EMCN: variants seen among roughly 807,000 people sequenced by gnomAD.
EMCN encodes the protein MUC-14.
A neutral mutation model predicts 38.4 loss-of-function variants in EMCN; 37 were observed. The ratio of observed to expected loss-of-function variants is 0.96; its 90% CI spans 0.74 to 1.27. EMCN has a LOEUF of 1.27. Ranked by LOEUF, EMCN falls within the 50% of genes most tolerant of loss-of-function variation. EMCN has a pLI of 0.00. For synonymous variants in EMCN, 95 were observed against 100.8 expected, an observed-to-expected ratio of 0.94 and a Z score of 0.35; for missense variants, 318 against 302.8, an observed-to-expected ratio of 1.05 and a Z score of -0.37.
At chr4:100,498,308 A>G (rs570951048) in intron 1 of EMCN, among the ~76,000 whole-genome samples, 42 of 152,202 alleles carry the variant, frequency 2.8e-4, no homozygotes, top group Admixed American at 2.7e-3. Flanking sequence ...GTTTCGCTAG[A>G]TGAAAAAAAG....
intron 1 of EMCN, among the ~76,000 whole-genome samples, chr4:100,511,384 T>A (rs115278058): frequency 0.01 from 1,533 of 152,316 alleles, 37 homozygotes; most frequent in African/African-American, 0.035. Flanking sequence ...ACTTGGACCG[T>A]TCCCAACTGT....
At chr4:100,487,556 T>C (rs1728972702) in intron 1 of EMCN, among the ~76,000 whole-genome samples, 1 of 152,190 alleles carries the variant, frequency 6.6e-6, no homozygotes, top group Non-Finnish European at 1.5e-5. Flanking sequence ...TGAATTGTGA[T>C]CTCCATAATC....
chr4:100,510,550 T>C (rs897163614), intron 1 of EMCN, among the ~76,000 whole-genome samples: 1 of 152,208 alleles, frequency 6.6e-6, no homozygotes, highest in Non-Finnish European at 1.5e-5. Context: ...AGCAAAACTT[T>C]ATATAACATT....
intron 1 of EMCN, among the ~76,000 whole-genome samples, chr4:100,508,772 T>C (rs1729550181): frequency 1.3e-5 from 2 of 152,204 alleles, no homozygotes; most frequent in African/African-American, 4.8e-5. Context: ...GTAATAGGAA[T>C]GACTTGGCAC....
intron 11 of EMCN, among the ~76,000 whole-genome samples, chr4:100,407,218 A>G (rs932504921): frequency 1.3e-5 from 2 of 152,130 alleles, no homozygotes; most frequent in Non-Finnish European, 2.9e-5. Flanking sequence ...TTAGCCCACT[A>G]CCATTCAAGG....
intron 5 of EMCN, among the ~76,000 whole-genome samples, chr4:100,437,807 G>T (rs72923840): frequency 0.021 from 3,156 of 151,864 alleles, 119 homozygotes; most frequent in African/African-American, 0.072. Flanking sequence ...TTATAGATTT[G>T]TAATATAATT....
At chr4:100,428,785 C>G (rs1727121744) in intron 5 of EMCN, among the ~76,000 whole-genome samples, 1 of 152,014 alleles carries the variant, frequency 6.6e-6, no homozygotes, top group Non-Finnish European at 1.5e-5. Flanking sequence ...AAATAGAGAC[C>G]TACTCTAGGT....
chr4:100,429,726 T>TAG (rs1727146514), intron 5 of EMCN, among the ~76,000 whole-genome samples: 1 of 149,220 alleles, frequency 6.7e-6, no homozygotes, highest in Admixed American at 6.7e-5. Flanking sequence ...ATTAAAATAG[T>TAG]TTTTACAAAA....
chr4:100,505,292 T>A (rs1729453723), intron 1 of EMCN, among the ~76,000 whole-genome samples: 1 of 152,146 alleles, frequency 6.6e-6, no homozygotes, highest in Admixed American at 6.5e-5. Context: ...ATTTCTACAA[T>A]CTCTCATCTC....
At chr4:100,468,958 T>G (rs1424192280) in intron 3 of EMCN, among the ~76,000 whole-genome samples, 1 of 151,926 alleles carries the variant, frequency 6.6e-6, no homozygotes, top group Non-Finnish European at 1.5e-5. Context: ...AGTAGAGGCA[T>G]CACACTTCCT....
chr4:100,504,591 G>A (rs534467101), intron 1 of EMCN, among the ~76,000 whole-genome samples: 30 of 152,300 alleles, frequency 2.0e-4, no homozygotes, highest in African/African-American at 7.2e-4. Flanking sequence ...GGAGCTGAAG[G>A]GAGATAGTGA....
At chr4:100,443,234 G>A (rs1727571581) in intron 5 of EMCN, among the ~76,000 whole-genome samples, 1 of 152,238 alleles carries the variant, frequency 6.6e-6, no homozygotes, top group African/African-American at 2.4e-5. Context: ...TGATTTCCGT[G>A]TGGTACCATG....
At chr4:100,411,570 C>A (rs1348107550) in intron 10 of EMCN, among the ~76,000 whole-genome samples, 1 of 151,690 alleles carries the variant, frequency 6.6e-6, no homozygotes, top group African/African-American at 2.4e-5. Context: ...AAGAAAACAA[C>A]CCACACACAT....
intron 4 of EMCN, among the ~76,000 whole-genome samples, chr4:100,449,744 T>C (rs1470126451): frequency 1.3e-5 from 2 of 152,044 alleles, no homozygotes; most frequent in Non-Finnish European, 2.9e-5. Context: ...GAAATATAAC[T>C]ATACATTAAG....
In EMCN at chr4:100,462,620, G is replaced by A. The variant is rs755525737; in HGVS notation, c.376+2803C>T. On this transcript the variant is annotated intron_variant, in intron 4 of 11. Coordinates refer to ENST00000296420, the MANE Select transcript of EMCN (RefSeq NM_016242.4). Reference sequence around the variant, plus strand: ...TATTATAGGGGCCATCATATTATACGTAGATGAATTTTGGTTTCCTGAAGG... The same window carrying A: ...TATTATAGGGGCCATCATATTATACATAGATGAATTTTGGTTTCCTGAAGG... Among the ~76,000 whole-genome samples the A allele has an allele frequency of 4.6e-5, 7 of 151,998 alleles. No individual in the cohort carries two copies. In the South Asian group the frequency reaches 6.2e-4, roughly 14 times the overall value.
chr4:100,481,003 A>G (rs1728790722), intron 1 of EMCN, among the ~76,000 whole-genome samples: 1 of 152,024 alleles, frequency 6.6e-6, no homozygotes, highest in African/African-American at 2.4e-5. Context: ...TGTTGTTTTC[A>G]TCTCTGGAAA....
At chr4:100,493,784 A>G (rs888971343) in intron 1 of EMCN, among the ~76,000 whole-genome samples, 20 of 152,182 alleles carry the variant, frequency 1.3e-4, no homozygotes, top group African/African-American at 4.1e-4. Context: ...TGGATCTTCA[A>G]TTAGTATAGC....
chr4:100,418,929 T>C (rs1726812268), intron 8 of EMCN, among the ~76,000 whole-genome samples: 1 of 152,126 alleles, frequency 6.6e-6, no homozygotes, highest in East Asian at 1.9e-4. Flanking sequence ...CTGGATCATA[T>C]AGTAGCTGTA....
chr4:100,403,551 T>C (rs780472901), intron 11 of EMCN, among the ~76,000 whole-genome samples: 27 of 152,062 alleles, frequency 1.8e-4, no homozygotes, highest in Non-Finnish European at 2.9e-4. Flanking sequence ...GTCATGTGAT[T>C]TGGTAGTAAA....
Sources: gnomAD v4.1 joint callset for allele counts (sites outside exome capture counted in the v4.1 genomes callset) on GRCh38, gnomAD v4.1.1 for gene constraint, MANE v1.5 for transcripts, NCBI Gene and HGNC (gene_info 2026-07-23, HGNC 2026-07-21) for gene names.